The following PCBP3 variants were observed in gnomAD, a reference collection of about 807,000 sequenced individuals.
PCBP3 encodes the protein poly(rC)-binding protein 3.
A neutral mutation model predicts 52.7 loss-of-function variants in PCBP3; 25 were observed. That is an observed-to-expected ratio of 0.47 (90% CI 0.35 to 0.66). PCBP3 has a LOEUF of 0.66. Ranked by LOEUF, PCBP3 falls within the 30% of genes least tolerant of loss-of-function variation. The pLI is 0.01. For synonymous variants in PCBP3, 162 were observed against 183.0 expected (o/e 0.89, Z 0.93); for missense variants, 391 against 490.3 (o/e 0.80, Z 1.91).
At chr21:45,796,870 A>C (rs2091945392) in intron 4 of PCBP3, among the ~76,000 whole-genome samples, 1 of 152,260 alleles carries the variant, frequency 6.6e-6, no homozygotes, top group African/African-American at 2.4e-5. Context: ...TTAGAATGGA[A>C]GCATGATTTA....
At position 45,802,036 on chromosome 21, in the gene PCBP3, C is replaced by T. The variant is rs758492834; in HGVS notation, c.-126+46584C>T. 6.6e-6 allele frequency among the ~76,000 whole-genome samples: 1 copy of T among 152,214 alleles called. No individual in the cohort carries two copies. The highest frequency in any genetic ancestry group is 2.1e-4 in the South Asian group (1 of 4,834). ...TCTGTGGCTCTCGGGGTCTCCCCTC[C>T]TCTTCCTTGAGGGCATCGTCATGAT... is the stretch of plus-strand genomic sequence containing the variant. On this transcript the variant is annotated intron_variant, in intron 4 of 17. Transcript: ENST00000681687. This position sits in a 1 kb window ranked among gnomAD's most constrained non-coding sequence, Gnocchi z 5.1.
chr21:45,743,098 C>T (rs1186572205), intron 3 of PCBP3, among the ~76,000 whole-genome samples: 2 of 152,172 alleles, frequency 1.3e-5, no homozygotes, highest in African/African-American at 2.4e-5. Context: ...AGTTACATTT[C>T]ATAGCTTTCT....
In PCBP3 at chr21:45,834,273, G is replaced by A. The variant is rs1053458083; in HGVS notation, c.-125-15688G>A. Among the ~76,000 whole-genome samples the A allele has an allele frequency of 3.9e-5, 6 of 152,254 alleles. No homozygotes were observed. In the East Asian group the frequency reaches 5.8e-4, roughly 15 times the overall value. ...GGCAGCTTCTTTTCCTGGCAGTGTC[G>A]TGTCCTGTCACCAGCCGTCAGAGCG... On this transcript the variant is annotated intron_variant, in intron 4 of 17. Transcript: ENST00000681687.
At chr21:45,801,429 G>A (rs545768685) in intron 4 of PCBP3, among the ~76,000 whole-genome samples, 9 of 152,342 alleles carry the variant, frequency 5.9e-5, no homozygotes, top group Middle Eastern at 3.4e-3. Flanking sequence ...AGCAGATGGC[G>A]GCAGCTGAGG....
At chr21:45,836,851 C>G (rs543795311) in intron 4 of PCBP3, among the ~76,000 whole-genome samples, 52 of 152,236 alleles carry the variant, frequency 3.4e-4, no homozygotes, top group Non-Finnish European at 5.1e-4. Flanking sequence ...CACAAGGTGT[C>G]TTAGGTTGGT....
intron 2 of PCBP3, among the ~76,000 whole-genome samples, chr21:45,710,919 C>T (rs2083792080): frequency 6.6e-6 from 1 of 152,172 alleles, no homozygotes; most frequent in African/African-American, 2.4e-5. Flanking sequence ...TCTCAAATTG[C>T]TCCAGCTTTG....
At chr21:45,779,562 T>G (rs2090490148) in intron 4 of PCBP3, among the ~76,000 whole-genome samples, 1 of 152,204 alleles carries the variant, frequency 6.6e-6, no homozygotes. Context: ...GAGGTGGGCA[T>G]AAATTGCATC....
At chr21:45,900,493 TG>T in intron 7 of PCBP3, 97 bp from the exon 8 acceptor site, 1 of 872,114 alleles carries the variant, frequency 1.1e-6, no homozygotes, top group Non-Finnish European at 1.9e-6. Flanking sequence ...CTCTGCTGTG[TG>T]GGCGTATGGG....
At chr21:45,834,956 T>G (rs1345466363) in intron 4 of PCBP3, among the ~76,000 whole-genome samples, 1 of 152,236 alleles carries the variant, frequency 6.6e-6, no homozygotes, top group Non-Finnish European at 1.5e-5. Context: ...GAAATGTCAC[T>G]CTGCGCGGTG....
chr21:45,754,876 A>G (rs1274728077), intron 3 of PCBP3, among the ~76,000 whole-genome samples: 3 of 152,150 alleles, frequency 2.0e-5, no homozygotes, highest in Admixed American at 6.5e-5. Flanking sequence ...GATTTTCCCT[A>G]TGTCTTTGGT....
At chr21:45,738,112 C>T (rs538811471) in intron 3 of PCBP3, among the ~76,000 whole-genome samples, 1 of 152,294 alleles carries the variant, frequency 6.6e-6, no homozygotes, top group South Asian at 2.1e-4. Context: ...TGCCAGAGCC[C>T]ACTCCTAGCC....
intron 16 of PCBP3, chr21:45,935,595 C>A: frequency 3.8e-6 from 2 of 522,980 alleles, no homozygotes; most frequent in Non-Finnish European, 7.2e-6. Context: ...ACCTATGTTG[C>A]TGTGGAGGCA....
intron 5 of PCBP3, among the ~76,000 whole-genome samples, chr21:45,881,934 G>A (rs781118874): frequency 1.3e-5 from 2 of 152,056 alleles, no homozygotes; most frequent in East Asian, 1.9e-4. Flanking sequence ...TTATCCGTTC[G>A]TCTCTCTATG....
intron 2 of PCBP3, among the ~76,000 whole-genome samples, chr21:45,698,830 C>A (rs2082941014): frequency 1.3e-5 from 2 of 152,196 alleles, no homozygotes; most frequent in Non-Finnish European, 2.9e-5. Flanking sequence ...TTTAATGCAT[C>A]ATGATGAATG....
At chr21:45,662,670 C>T (rs866943758) in intron 1 of PCBP3, among the ~76,000 whole-genome samples, 60 of 151,914 alleles carry the variant, frequency 3.9e-4, no homozygotes, top group African/African-American at 1.2e-3. Context: ...TAATAATCCC[C>T]GCTCTACAAT....
At chr21:45,708,916 A>G (rs1219498348) in intron 2 of PCBP3, among the ~76,000 whole-genome samples, 1 of 152,238 alleles carries the variant, frequency 6.6e-6, no homozygotes, top group African/African-American at 2.4e-5. Context: ...TGGCAGGCCC[A>G]TGTGTGTGCA....
chr21:45,677,492 A>T (rs1363959584), intron 2 of PCBP3, among the ~76,000 whole-genome samples: 1 of 152,374 alleles, frequency 6.6e-6, no homozygotes, highest in East Asian at 1.9e-4. Flanking sequence ...GCTGATGTAG[A>T]TGCTGTACCT....
chr21:45,844,805 A>G (rs2093771408), intron 4 of PCBP3, among the ~76,000 whole-genome samples: 1 of 150,748 alleles, frequency 6.6e-6, no homozygotes, highest in Non-Finnish European at 1.5e-5. Flanking sequence ...CTGAGTTTAT[A>G]TACATATATA....
intron 4 of PCBP3, chr21:45,761,501 G>T (rs1012311637): frequency 1.4e-4 from 22 of 152,166 alleles, no homozygotes; most frequent in African/African-American, 5.3e-4. Flanking sequence ...TGCCTCTCTT[G>T]CCTGGACAGA....
Sources: gnomAD v4.1 joint callset for allele counts (sites outside exome capture counted in the v4.1 genomes callset) on GRCh38, gnomAD v4.1.1 for gene constraint, Gnocchi (gnomAD v3.1) non-coding constraint, MANE v1.5 for transcripts, NCBI Gene and HGNC (gene_info 2026-07-23, HGNC 2026-07-21) for gene names.